The following THSD7B variants were observed in gnomAD, a reference collection of about 807,000 sequenced individuals.
THSD7B encodes thrombospondin type 1 domain containing 7B.
Under a neutral mutation model 213.6 loss-of-function variants are expected in THSD7B, and 138 were observed. The ratio of observed to expected loss-of-function variants is 0.65; its 90% CI spans 0.56 to 0.74. The LOEUF (loss-of-function observed/expected upper bound fraction) is 0.74, where lower values mean the gene tolerates loss of function less well. Among genes scored for constraint, THSD7B ranks in the 30% least tolerant of loss-of-function variants. THSD7B has a pLI of 0.00. For missense variants in THSD7B, 1,931 were observed against 1,991.5 expected (o/e 0.97, Z 0.58); for synonymous variants, 742 against 687.0 (o/e 1.08, Z -1.25).
intron 3 of THSD7B, among the ~76,000 whole-genome samples, chr2:137,069,354 G>C (rs901706305): frequency 6.6e-6 from 1 of 151,846 alleles, no homozygotes; most frequent in Admixed American, 6.6e-5. Flanking sequence ...TGGAGTAAAA[G>C]TACATCTGAA....
intron 3 of THSD7B, 55 bp from the exon 4 acceptor site, chr2:137,094,818 G>A: frequency 6.4e-7 from 1 of 1,565,354 alleles, no homozygotes; most frequent in Non-Finnish European, 8.7e-7. Context: ...ACTTTATAAT[G>A]TTAGTTGCAT....
chr2:137,282,791 T>C (rs1012082285), intron 12 of THSD7B, among the ~76,000 whole-genome samples: 5 of 152,220 alleles, frequency 3.3e-5, no homozygotes, highest in African/African-American at 1.2e-4. Context: ...AGTGCCATGC[T>C]GTTTTGGTTA....
intron 12 of THSD7B, among the ~76,000 whole-genome samples, chr2:137,319,219 A>G (rs937443271): frequency 1.3e-5 from 2 of 149,564 alleles, no homozygotes; most frequent in African/African-American, 2.5e-5. Context: ...GTAAGTATAT[A>G]TTTCTTTTTT....
intron 2 of THSD7B, among the ~76,000 whole-genome samples, chr2:136,899,086 AC>A (rs1185723519): frequency 6.6e-6 from 1 of 152,152 alleles, no homozygotes; most frequent in Non-Finnish European, 1.5e-5. Flanking sequence ...CATAAAAAAT[AC>A]CCTTAGTTAA....
At chr2:137,017,803 C>T (rs1686369955) in intron 2 of THSD7B, among the ~76,000 whole-genome samples, 1 of 151,964 alleles carries the variant, frequency 6.6e-6, no homozygotes, top group South Asian at 2.1e-4. Flanking sequence ...TCATTTGTAA[C>T]TTTTAAAGAT....
intron 2 of THSD7B, among the ~76,000 whole-genome samples, chr2:136,940,311 T>G (rs112420095): frequency 6.6e-6 from 1 of 152,134 alleles, no homozygotes; most frequent in African/African-American, 2.4e-5. Flanking sequence ...TGGCCTCTAC[T>G]TCCAACCATG....
chr2:137,394,901 G>C (rs1463647828), intron 12 of THSD7B, among the ~76,000 whole-genome samples: 2 of 145,854 alleles, frequency 1.4e-5, no homozygotes, highest in Admixed American at 1.3e-4. Flanking sequence ...TGGATTCCTA[G>C]GTATTTTATT....
At chr2:137,384,387 C>A (rs904168754) in intron 12 of THSD7B, among the ~76,000 whole-genome samples, 4 of 152,114 alleles carry the variant, frequency 2.6e-5, no homozygotes, top group African/African-American at 9.7e-5. Context: ...GGGAAAGAGA[C>A]AAGATAAATG....
chr2:137,386,346 A>G (rs1573997805), intron 12 of THSD7B, among the ~76,000 whole-genome samples: 1 of 152,198 alleles, frequency 6.6e-6, no homozygotes, highest in African/African-American at 2.4e-5. Flanking sequence ...AACACATTGT[A>G]GGAACATTGG....
At chr2:136,775,777 T>C (rs1375288575) in intron 1 of THSD7B, among the ~76,000 whole-genome samples, 2 of 152,102 alleles carry the variant, frequency 1.3e-5, no homozygotes, top group Admixed American at 6.6e-5. Context: ...GAAGCCCCTT[T>C]AAGTATCCCA....
intron 15 of THSD7B, among the ~76,000 whole-genome samples, chr2:137,482,466 A>G (rs1340863285): frequency 6.6e-6 from 1 of 152,236 alleles, no homozygotes; most frequent in Admixed American, 6.5e-5. Context: ...GTGGCGCAGG[A>G]TGAATGTGGC....
intron 2 of THSD7B, among the ~76,000 whole-genome samples, chr2:136,887,974 A>G (rs1683748449): frequency 6.6e-6 from 1 of 152,140 alleles, no homozygotes; most frequent in African/African-American, 2.4e-5. Context: ...AATACCTAAT[A>G]TATAGTGGCT....
chr2:137,606,953 T>A (rs1682192726), intron 17 of THSD7B, among the ~76,000 whole-genome samples: 3 of 152,128 alleles, frequency 2.0e-5, no homozygotes. Flanking sequence ...TAAGGCTTGC[T>A]GCCTGCCTTT....
At chr2:137,426,297 A>G (rs1020609281) in intron 14 of THSD7B, among the ~76,000 whole-genome samples, 3 of 152,100 alleles carry the variant, frequency 2.0e-5, no homozygotes, top group African/African-American at 7.2e-5. Context: ...CAAAACCTCA[A>G]TGGCACTTTT....
At chr2:137,448,379 A>C (rs1472230828) in intron 14 of THSD7B, among the ~76,000 whole-genome samples, 1 of 152,096 alleles carries the variant, frequency 6.6e-6, no homozygotes, top group Non-Finnish European at 1.5e-5. Flanking sequence ...AAAATAACTC[A>C]TTTTTGCACG....
chr2:137,473,502 C>T (rs1216247915), intron 15 of THSD7B, among the ~76,000 whole-genome samples: 1 of 152,168 alleles, frequency 6.6e-6, no homozygotes, highest in East Asian at 1.9e-4. Flanking sequence ...AATGATGTTC[C>T]ATTATCAGCT....
intron 15 of THSD7B, among the ~76,000 whole-genome samples, chr2:137,546,462 TAA>T (rs1491340784): frequency 4.3e-5 from 1 of 23,238 alleles, no homozygotes; most frequent in Non-Finnish European, 6.8e-5. Context: ...ATATTATATA[TAA>T]TATATATATA....
chr2:137,580,798 G>C (rs988717246), intron 17 of THSD7B, among the ~76,000 whole-genome samples: 23 of 152,142 alleles, frequency 1.5e-4, no homozygotes, highest in African/African-American at 5.6e-4. Flanking sequence ...GCTAGAACAG[G>C]AGCAAGAGAG....
At chr2:136,996,299 C>CTCTCTT (rs1346239657) in intron 2 of THSD7B, among the ~76,000 whole-genome samples, 1 of 151,942 alleles carries the variant, frequency 6.6e-6, no homozygotes, top group African/African-American at 2.4e-5. Context: ...TGGTCTCTCT[C>CTCTCTT]TCTGTCCCTG....
Sources: allele counts gnomAD v4.1 joint callset (sites outside exome capture counted in the v4.1 genomes callset), GRCh38; gene constraint gnomAD v4.1.1; transcripts MANE v1.5; gene names NCBI Gene and HGNC (gene_info 2026-07-23, HGNC 2026-07-21).